HIBCH: variants seen among roughly 807,000 people sequenced by gnomAD.
HIBCH encodes 3-hydroxyisobutyryl-CoA hydrolase, mitochondrial.
HIBCH carries 50 observed loss-of-function variants against 58.2 expected under a neutral mutation model. The ratio of observed to expected loss-of-function variants is 0.86; its 90% CI spans 0.68 to 1.09. The LOEUF (loss-of-function observed/expected upper bound fraction) is 1.09. HIBCH is among the 50% of genes least tolerant of loss of function. The pLI, the probability that HIBCH is intolerant of heterozygous loss-of-function variation, is 0.00. For synonymous variants in HIBCH, 151 were observed against 146.9 expected, an observed-to-expected ratio of 1.03 and a Z score of -0.20; for missense variants, 450 against 449.7, an observed-to-expected ratio of 1.00 and a Z score of -0.01.
In HIBCH at chr2:190,216,425, G is replaced by A. The variant is rs1173068365; in HGVS notation, c.892-3350C>T. 6.6e-6 allele frequency among the ~76,000 whole-genome samples: 1 copy of A among 152,194 alleles called. No homozygotes were observed. The highest frequency in any genetic ancestry group is 2.4e-5 in the African/African-American group (1 of 41,446). ...CTGAGAGGCTGTAAGTCCACCACGGGCAGCTGTCAGTAAGGCTGCAGAAGG... is the reference window on the plus strand; with the variant it reads ...CTGAGAGGCTGTAAGTCCACCACGGACAGCTGTCAGTAAGGCTGCAGAAGG... On this transcript the variant is annotated intron_variant, in intron 11 of 13. Coordinates refer to ENST00000359678, the MANE Select transcript of HIBCH (RefSeq NM_014362.4). This position sits in a 1 kb window ranked among gnomAD's most constrained non-coding sequence, Gnocchi z 4.2.
intron 11 of HIBCH, among the ~76,000 whole-genome samples, chr2:190,231,049 A>G (rs565132993): frequency 2.0e-5 from 3 of 152,152 alleles, no homozygotes; most frequent in Non-Finnish European, 4.4e-5. Context: ...CCAGAAACAG[A>G]CTCCCATCTA....
intron 7 of HIBCH, among the ~76,000 whole-genome samples, chr2:190,257,369 A>G (rs1330800219): frequency 6.6e-6 from 1 of 152,200 alleles, no homozygotes; most frequent in African/African-American, 2.4e-5. Context: ...ATGAAAGAAG[A>G]GCAAACAAAA....
In HIBCH at chr2:190,243,376, C is replaced by T. The variant is rs75618305; in HGVS notation, c.891+1511G>A. On this transcript the variant is annotated intron_variant, in intron 11 of 13. Coordinates refer to ENST00000359678, the MANE Select transcript of HIBCH (RefSeq NM_014362.4). The surrounding 1 kb of genome is among the most constrained non-coding windows in gnomAD (Gnocchi z 4.1). ...GCTTGTAGACAGCCTACTGTGGGAC[C>T]TTGTGATTGTGCAGGTTAATACTTA... 6.6e-6 allele frequency among the ~76,000 whole-genome samples: 1 copy of T among 152,140 alleles called. No individual in the cohort carries two copies. Among genetic ancestry groups the T allele is most frequent in the Non-Finnish European group, 1.5e-5 (1 of 68,022 alleles).
At chr2:190,260,075 A>G (rs2105950648) in intron 7 of HIBCH, among the ~76,000 whole-genome samples, 1 of 152,348 alleles carries the variant, frequency 6.6e-6, no homozygotes, top group East Asian at 1.9e-4. Context: ...CAATAGGGCA[A>G]GAGAAAGAAA....
chr2:190,288,522 A>C (rs1687885517), intron 5 of HIBCH, among the ~76,000 whole-genome samples: 1 of 150,650 alleles, frequency 6.6e-6, no homozygotes, highest in African/African-American at 2.4e-5. Context: ...GTTAGTAACT[A>C]CTGGAAGCTA....
chr2:190,244,884 TA>T lies in HIBCH; in HGVS notation c.891+2del, dbSNP rs1473186735. 4 of 1,590,906 alleles carry T rather than the reference TA, an allele frequency of 2.5e-6. No individual in the cohort carries two copies. In the African/African-American group the frequency reaches 5.4e-5, roughly 21 times the overall value. On this transcript the variant is annotated splice_donor_variant, in intron 11 of 13. Coordinates refer to ENST00000359678, the MANE Select transcript of HIBCH (RefSeq NM_014362.4). LOFTEE classifies it high-confidence loss of function. The stretch of plus-strand genomic sequence containing the variant: ...CTCAGGGCAGAAAGGATTCCAATAT[TA>T]CCTTCAATTGCTCTAGGGCAAAAGA...
At chr2:190,249,268 A>G (rs946871206) in intron 9 of HIBCH, among the ~76,000 whole-genome samples, 2 of 152,266 alleles carry the variant, frequency 1.3e-5, no homozygotes, top group Admixed American at 6.5e-5. Context: ...TAAGGAATTA[A>G]AAATACATGC....
chr2:190,251,650 C>T, intron 8 of HIBCH: 1 of 276,778 alleles, frequency 3.6e-6, no homozygotes, highest in Non-Finnish European at 7.5e-6. Flanking sequence ...CTATGTTATC[C>T]TGTGCTGAGA....
Position 190,207,015 on chromosome 2 carries a change from G to A in HIBCH, c.1046-1783C>T, listed in dbSNP as rs541881687. Among the ~76,000 whole-genome samples the A allele has an allele frequency of 6.0e-4, 92 of 152,104 alleles. No homozygotes were observed. The highest frequency in any genetic ancestry group is 5.4e-3 in the South Asian group (26 of 4,810). On this transcript the variant is annotated intron_variant, in intron 13 of 13. Transcript: ENST00000359678. This position sits in a 1 kb window ranked among gnomAD's most constrained non-coding sequence, Gnocchi z 4.5. The stretch of plus-strand genomic sequence containing the variant: ...CAGGCGCTTTTAGTCCCAGCTACTC[G>A]GGAGGCTGAGGCAGGAGAATGGTGT...
chr2:190,283,905 C>G (rs1687769233), intron 6 of HIBCH, among the ~76,000 whole-genome samples: 1 of 152,180 alleles, frequency 6.6e-6, no homozygotes, highest in African/African-American at 2.4e-5. Context: ...GAAATAGGAG[C>G]TAATTTATTA....
rs1559014192 is a variant in HIBCH at position 190,215,212 on chromosome 2, T to TG, written c.892-2138dup. On this transcript the variant is annotated intron_variant, in intron 11 of 13. Transcript: ENST00000359678. This position sits in a 1 kb window ranked among gnomAD's most constrained non-coding sequence, Gnocchi z 4.4. ...TGTCAATCATGAATATTGTGTTTAC[T>TG]GGGGAAGAGAGGGGAATAATTATAA... The TG allele has an allele frequency of 6.6e-6, 1 of 152,196 alleles. No homozygotes were observed. Among genetic ancestry groups the TG allele is most frequent in the Non-Finnish European group, 1.5e-5 (1 of 68,048 alleles). The allele number at this position is 152,196 out of a possible 1,614,324, so 9.4% of individuals were successfully genotyped here.
At chr2:190,269,883 T>C (rs2105962601) in intron 6 of HIBCH, among the ~76,000 whole-genome samples, 1 of 152,246 alleles carries the variant, frequency 6.6e-6, no homozygotes, top group East Asian at 1.9e-4. Context: ...CATGGAATAC[T>C]ATGCAGCCAT....
At chr2:190,218,926 G>A (rs1325641871) in intron 11 of HIBCH, among the ~76,000 whole-genome samples, 2 of 152,150 alleles carry the variant, frequency 1.3e-5, no homozygotes, top group Admixed American at 6.5e-5. Flanking sequence ...TAAGCCCGTG[G>A]GAAAACTCTC....
At chr2:190,248,735 C>T (rs769794017) in intron 9 of HIBCH, among the ~76,000 whole-genome samples, 16 of 152,086 alleles carry the variant, frequency 1.1e-4, no homozygotes, top group Non-Finnish European at 2.2e-4. Flanking sequence ...GTAGCACACG[C>T]CTGTAATCCC....
intron 6 of HIBCH, among the ~76,000 whole-genome samples, chr2:190,268,496 A>C (rs1057349151): frequency 1.3e-5 from 2 of 152,212 alleles, no homozygotes; most frequent in Non-Finnish European, 2.9e-5. Context: ...GCATCCCTAA[A>C]GGCAAAATTT....
At chr2:190,246,311 T>C in intron 9 of HIBCH, 99 bp from the exon 10 acceptor site, 1 of 711,404 alleles carries the variant, frequency 1.4e-6, no homozygotes, top group Non-Finnish European at 2.4e-6. Flanking sequence ...TTGTCACTTG[T>C]CACTTTCAGT....
At chr2:190,205,253 T>C (rs187867032) in intron 13 of HIBCH, 21 bp from the exon 14 acceptor site, 4 of 1,247,642 alleles carry the variant, frequency 3.2e-6, no homozygotes, top group African/African-American at 2.9e-5. Flanking sequence ...AAGATACAAA[T>C]GTTAATACCA....
chr2:190,294,295 G>C (rs1274853791), intron 4 of HIBCH, among the ~76,000 whole-genome samples: 1 of 151,800 alleles, frequency 6.6e-6, no homozygotes, highest in East Asian at 1.9e-4. Flanking sequence ...ATGATTCAGG[G>C]AGAGAGACAA....
chr2:190,228,555 A>AG (rs917136725), intron 11 of HIBCH, among the ~76,000 whole-genome samples: 159 of 137,182 alleles, frequency 1.2e-3, no homozygotes, highest in African/African-American at 4.1e-3. Context: ...TAATTAAAAA[A>AG]AAAGAGAGAG....
Sources: allele counts gnomAD v4.1 joint callset (sites outside exome capture counted in the v4.1 genomes callset), GRCh38; gene constraint gnomAD v4.1.1; non-coding constraint Gnocchi (gnomAD v3.1); transcripts MANE v1.5; gene names NCBI Gene and HGNC (gene_info 2026-07-23, HGNC 2026-07-21).